The following PAPPA2 variants were observed in gnomAD, a reference collection of about 807,000 sequenced individuals.
PAPPA2 encodes the protein pappalysin 2.
In PAPPA2, 86 loss-of-function variants were observed where a neutral mutation model predicts 176.4. The ratio of observed to expected loss-of-function variants is 0.49; its 90% confidence interval spans 0.41 to 0.58. The LOEUF (loss-of-function observed/expected upper bound fraction) is 0.58. Ranked by LOEUF, PAPPA2 falls within the 20% of genes least tolerant of loss-of-function variation. The probability of loss-of-function intolerance (pLI) is 0.00; values close to 1 mark genes in which losing one functional copy is unlikely to be tolerated. For missense variants in PAPPA2, 2,073 were observed against 2,256.9 expected, an observed-to-expected ratio of 0.92 and a Z score of 1.65; for synonymous variants, 809 against 852.2, an observed-to-expected ratio of 0.95 and a Z score of 0.88.
chr1:176,684,249 G>A (rs1249508322), intron 4 of PAPPA2, among the ~76,000 whole-genome samples: 2 of 152,146 alleles, frequency 1.3e-5, no homozygotes, highest in Non-Finnish European at 2.9e-5. Context: ...GAACCAGTGG[G>A]GTAAAATGTT....
chr1:176,492,738 G>A (rs1024475925), intron 1 of PAPPA2, among the ~76,000 whole-genome samples: 5 of 152,142 alleles, frequency 3.3e-5, no homozygotes, highest in African/African-American at 4.8e-5. Flanking sequence ...TAATCATAAA[G>A]TAATTATAAT....
At chr1:176,768,257 A>T (rs1013210445) in intron 15 of PAPPA2, among the ~76,000 whole-genome samples, 1 of 151,000 alleles carries the variant, frequency 6.6e-6, no homozygotes, top group Admixed American at 6.6e-5. Context: ...ACTGCTGGGA[A>T]GTCCTGATCA....
intron 1 of PAPPA2, among the ~76,000 whole-genome samples, chr1:176,537,146 A>G (rs368236211): frequency 6.6e-6 from 1 of 152,206 alleles, no homozygotes; most frequent in Non-Finnish European, 1.5e-5. Context: ...AACTTTCTTT[A>G]TAGATTCTCC....
intron 21 of PAPPA2, among the ~76,000 whole-genome samples, chr1:176,810,275 C>T (rs1304511188): frequency 1.3e-5 from 2 of 152,084 alleles, no homozygotes; most frequent in East Asian, 1.9e-4. Context: ...CTCAGATGCT[C>T]AGGACTTCCA....
At chr1:176,613,628 A>G (rs1342923805) in intron 3 of PAPPA2, among the ~76,000 whole-genome samples, 3 of 152,206 alleles carry the variant, frequency 2.0e-5, no homozygotes, top group Non-Finnish European at 4.4e-5. Context: ...GTTTGAAATC[A>G]TAGATTTCTT....
chr1:176,709,188 CTGTT>C (rs1013986378), intron 10 of PAPPA2, among the ~76,000 whole-genome samples: 1 of 152,116 alleles, frequency 6.6e-6, no homozygotes, highest in African/African-American at 2.4e-5. Context: ...CATTTATCAC[CTGTT>C]TGCTTTTGAA....
intron 21 of PAPPA2, among the ~76,000 whole-genome samples, chr1:176,832,682 A>T (rs1239911590): frequency 1.3e-5 from 2 of 152,114 alleles, no homozygotes; most frequent in Admixed American, 1.3e-4. Flanking sequence ...ACCATACTCT[A>T]TAGCCTTGAT....
chr1:176,717,188 A>G (rs965276920), intron 12 of PAPPA2, among the ~76,000 whole-genome samples: 1 of 152,160 alleles, frequency 6.6e-6, no homozygotes, highest in Non-Finnish European at 1.5e-5. Flanking sequence ...TTTTGTAAGC[A>G]TTGGTTAGGG....
In PAPPA2 at chr1:176,634,815, T is replaced by C. The variant is rs890874115; in HGVS notation, c.1992-36155T>C. On this transcript the variant is annotated intron_variant, in intron 3 of 22. Coordinates refer to ENST00000367662, the MANE Select transcript of PAPPA2 (RefSeq NM_020318.3). ...CCAAGGAGAGAGATAGATAGATAGA[T>C]AGATAGATAGATAGATAGATAGATA... Among the ~76,000 whole-genome samples, 4 of 139,230 alleles carry C rather than the reference T, an allele frequency of 2.9e-5. No individual in the cohort carries two copies. In the East Asian group the frequency reaches 5.9e-4, roughly 21 times the overall value. The allele number at this position is 139,230 out of a possible 152,430, so 91.3% of individuals were successfully genotyped here.
rs1651879712 is a variant in PAPPA2 at position 176,471,630 on chromosome 1, C to CA, written c.-917+8217dup. Among the ~76,000 whole-genome samples, 3 of 152,264 alleles carry CA rather than the reference C, an allele frequency of 2.0e-5. No individual in the cohort carries two copies. The East Asian group carries it at 5.8e-4, about 29-fold the overall frequency. The stretch of plus-strand genomic sequence containing the variant: ...CATGAAAGTAATATACTGACTTCCA[C>CA]AAAAATCACTTTTCTTTCACCACAA... On this transcript the variant is annotated intron_variant, in intron 1 of 22. Coordinates refer to ENST00000367662, the MANE Select transcript of PAPPA2 (RefSeq NM_020318.3).
At chr1:176,557,544 C>T (rs1361864146) in intron 2 of PAPPA2, among the ~76,000 whole-genome samples, 3 of 152,142 alleles carry the variant, frequency 2.0e-5, no homozygotes, top group African/African-American at 4.8e-5. Context: ...AGGGATAGAG[C>T]TCCTTGGTTC....
At chr1:176,558,416 G>A (rs1484628352) in intron 2 of PAPPA2, among the ~76,000 whole-genome samples, 1 of 152,204 alleles carries the variant, frequency 6.6e-6, no homozygotes, top group African/African-American at 2.4e-5. Context: ...AAGTCGGCAA[G>A]GAGGGAGCCT....
rs567983169 is a variant in PAPPA2 at position 176,534,685 on chromosome 1, C to T, written c.-916-20722C>T. Reference sequence around the variant, plus strand: ...ATGAGAGGTGTGTGCTTGAGAGAAGCAATGCGGTTTATCTCTGAGAGTAGC... The same window carrying T: ...ATGAGAGGTGTGTGCTTGAGAGAAGTAATGCGGTTTATCTCTGAGAGTAGC... On this transcript the variant is annotated intron_variant, in intron 1 of 22. Coordinates refer to ENST00000367662, the MANE Select transcript of PAPPA2 (RefSeq NM_020318.3). 6.6e-5 allele frequency among the ~76,000 whole-genome samples: 10 copies of T among 152,296 alleles called. No individual in the cohort carries two copies. In the South Asian group the frequency reaches 1.0e-3, roughly 16 times the overall value.
chr1:176,588,610 T>A (rs1477042420), intron 2 of PAPPA2, among the ~76,000 whole-genome samples: 1 of 152,224 alleles, frequency 6.6e-6, no homozygotes. Context: ...GATTTTTGTA[T>A]CTCAGTGGCC....
chr1:176,768,806 A>T (rs1360869744), intron 15 of PAPPA2, among the ~76,000 whole-genome samples: 1 of 152,150 alleles, frequency 6.6e-6, no homozygotes, highest in African/African-American at 2.4e-5. Context: ...AATCTCTCAC[A>T]TTTAACCACA....
At chr1:176,603,994 C>T (rs1212332018) in intron 3 of PAPPA2, among the ~76,000 whole-genome samples, 1 of 152,194 alleles carries the variant, frequency 6.6e-6, no homozygotes, top group Non-Finnish European at 1.5e-5. Context: ...TCTGTGGCCT[C>T]ACCTCTTACC....
intron 2 of PAPPA2, 48 bp downstream of exon 2, chr1:176,557,289 C>T (rs1296709363): frequency 6.0e-6 from 9 of 1,509,136 alleles, no homozygotes; most frequent in Non-Finnish European, 8.0e-6. Flanking sequence ...GTATGGCTGG[C>T]TTTATTTCTG....
intron 15 of PAPPA2, among the ~76,000 whole-genome samples, chr1:176,769,154 C>A (rs372937080): frequency 1.3e-5 from 2 of 152,180 alleles, no homozygotes; most frequent in Non-Finnish European, 2.9e-5. Flanking sequence ...CAATCTGCAG[C>A]GACCCTTGGG....
intron 1 of PAPPA2, among the ~76,000 whole-genome samples, chr1:176,525,234 A>G (rs1043129390): frequency 6.6e-6 from 1 of 152,230 alleles, no homozygotes; most frequent in Non-Finnish European, 1.5e-5. Context: ...CTGAATGAAT[A>G]GATGAATCAA....
Sources: allele counts gnomAD v4.1 joint callset (sites outside exome capture counted in the v4.1 genomes callset), GRCh38; gene constraint gnomAD v4.1.1; transcripts MANE v1.5; gene names NCBI Gene and HGNC (gene_info 2026-07-23, HGNC 2026-07-21).